Variants in MTUS2 observed in about 807,000 individuals in gnomAD.
The protein encoded by MTUS2 is microtubule associated scaffold protein 2, also known as microtubule-associated tumor suppressor candidate 2.
Under a neutral mutation model 114.1 loss-of-function variants are expected in MTUS2, and 40 were observed. The ratio of observed to expected loss-of-function variants is 0.35; its 90% CI spans 0.27 to 0.46. The LOEUF (loss-of-function observed/expected upper bound fraction) is 0.46, where lower values mean the gene tolerates loss of function less well. Ranked by LOEUF, MTUS2 falls within the 20% of genes least tolerant of loss-of-function variation. The pLI, the probability that MTUS2 is intolerant of heterozygous loss-of-function variation, is 1.00. For missense variants in MTUS2, 1,679 were observed against 1,705.4 expected, an observed-to-expected ratio of 0.98 and a Z score of 0.27; for synonymous variants, 688 against 672.0, an observed-to-expected ratio of 1.02 and a Z score of -0.37.
chr13:29,189,537 TAAAA>T (rs575429956), intron 5 of MTUS2, among the ~76,000 whole-genome samples: 25 of 143,158 alleles, frequency 1.7e-4, no homozygotes, highest in African/African-American at 6.3e-4. Context: ...AAAGGGACAG[TAAAA>T]AAAAAAAGAA....
intron 7 of MTUS2, among the ~76,000 whole-genome samples, chr13:29,340,698 A>T (rs1214581806): frequency 6.6e-6 from 1 of 152,098 alleles, no homozygotes; most frequent in African/African-American, 2.4e-5. Flanking sequence ...ATGTTTGGTT[A>T]TATGTATAAG....
chr13:29,197,538 T>C (rs1040134014), intron 5 of MTUS2, among the ~76,000 whole-genome samples: 2 of 152,196 alleles, frequency 1.3e-5, no homozygotes, highest in African/African-American at 2.4e-5. Flanking sequence ...TACGTGTGCA[T>C]GTATCTTTAT....
intron 5 of MTUS2, among the ~76,000 whole-genome samples, chr13:29,197,410 A>G (rs553050125): frequency 3.9e-5 from 6 of 152,218 alleles, no homozygotes; most frequent in South Asian, 2.1e-4. Context: ...ACATCTTTTT[A>G]TGGCTGCATA....
At chr13:29,330,778 T>G (rs1387562473) in intron 7 of MTUS2, among the ~76,000 whole-genome samples, 1 of 152,222 alleles carries the variant, frequency 6.6e-6, no homozygotes, top group Non-Finnish European at 1.5e-5. Flanking sequence ...GCCTTTATTC[T>G]CTTCCATTGG....
chr13:28,903,745 A>G (rs1206063909), intron 2 of MTUS2, among the ~76,000 whole-genome samples: 2 of 152,058 alleles, frequency 1.3e-5, no homozygotes, highest in Non-Finnish European at 2.9e-5. Flanking sequence ...TCTTTATAGC[A>G]GCATGATTTA....
intron 2 of MTUS2, among the ~76,000 whole-genome samples, chr13:28,905,978 C>G (rs1186594714): frequency 2.6e-5 from 4 of 151,520 alleles, no homozygotes; most frequent in Non-Finnish European, 5.9e-5. Context: ...CTGGTTTAGT[C>G]TTGGGAGGGT....
intron 5 of MTUS2, among the ~76,000 whole-genome samples, chr13:29,238,579 C>T (rs1450603648): frequency 6.6e-6 from 1 of 152,194 alleles, no homozygotes; most frequent in East Asian, 1.9e-4. Context: ...AAGATGAAGG[C>T]TGGAAGACTG....
At chr13:29,286,634 G>A (rs1442032022) in intron 6 of MTUS2, among the ~76,000 whole-genome samples, 2 of 138,488 alleles carry the variant, frequency 1.4e-5, no homozygotes, top group Non-Finnish European at 3.2e-5. Flanking sequence ...ATTTCTGAAA[G>A]CCATGCACTA....
At chr13:28,830,294 A>G (rs1384502037) in intron 1 of MTUS2, among the ~76,000 whole-genome samples, 2 of 152,196 alleles carry the variant, frequency 1.3e-5, no homozygotes, top group Non-Finnish European at 2.9e-5. Context: ...AGGAAAAACA[A>G]AAGTATCCCT....
chr13:29,002,766 C>T (rs1885440641), intron 2 of MTUS2, among the ~76,000 whole-genome samples: 1 of 152,170 alleles, frequency 6.6e-6, no homozygotes, highest in South Asian at 2.1e-4. Flanking sequence ...TGCACTCTTT[C>T]AGAAACTAGA....
In MTUS2 at chr13:29,024,630, G is replaced by A; in HGVS notation, c.-69G>A. On this transcript the variant is annotated 5_prime_UTR_variant, in exon 3 of 16. Transcript: ENST00000612955. ...TTGAGAATTTCCTCTTAATCTGATT[G>A]CAGCTTGAAGGCAGCCCATTTCCAT... 6.5e-7 allele frequency: 1 copy of A among 1,549,850 alleles called. No individual in the cohort carries two copies. Among genetic ancestry groups the A allele is most frequent in the Non-Finnish European group, 8.7e-7 (1 of 1,147,348 alleles).
intron 11 of MTUS2, 62 bp from the exon 12 acceptor site, chr13:29,492,571 AAGTCTGCCAAAAG>A (rs1882265496): frequency 8.2e-7 from 1 of 1,219,918 alleles, no homozygotes. Context: ...CACAGGTCTT[AAGTCTGCCAAAAG>A]AGCCTTGTTT....
chr13:29,051,093 A>G (rs964568398), intron 4 of MTUS2, among the ~76,000 whole-genome samples: 2 of 152,228 alleles, frequency 1.3e-5, no homozygotes, highest in African/African-American at 2.4e-5. Flanking sequence ...TCTGTAGAAT[A>G]GGAGAGGTAA....
chr13:29,252,910 C>A (rs926460620), intron 5 of MTUS2, among the ~76,000 whole-genome samples: 2 of 149,070 alleles, frequency 1.3e-5, no homozygotes, highest in Non-Finnish European at 3.0e-5. Flanking sequence ...CATTAAGCTT[C>A]TTTTTTTTTT....
intron 5 of MTUS2, among the ~76,000 whole-genome samples, chr13:29,238,406 A>G (rs1896615028): frequency 6.6e-6 from 1 of 152,234 alleles, no homozygotes; most frequent in South Asian, 2.1e-4. Context: ...AGCCAGTCCG[A>G]GTCCCAAAAC....
chr13:29,480,235 C>T lies in MTUS2; in HGVS notation c.3270C>T (p.Gly1090=). The T allele has an allele frequency of 6.4e-7, 1 of 1,553,808 alleles. No individual in the cohort carries two copies. ...RRFEDEVKRL[G]WQQQAELQEL... ...TCGAGGACGAGGTGAAGAGGCTGGG[C>T]TGGCAGCAGCAGGCCGAGCTCCAGG... Residue 1090 remains glycine, a synonymous_variant, in exon 10 of 16, where the codon GGC becomes GGT. Transcript: ENST00000612955. The surrounding 1 kb of genome is among the most constrained non-coding windows in gnomAD (Gnocchi z 4.4).
intron 5 of MTUS2, among the ~76,000 whole-genome samples, chr13:29,251,519 C>T (rs886694056): frequency 1.1e-4 from 16 of 152,254 alleles, no homozygotes; most frequent in East Asian, 5.8e-4. Context: ...CCATCTACCT[C>T]GACGTTCTCA....
chr13:28,942,531 T>C (rs564081804), intron 2 of MTUS2, among the ~76,000 whole-genome samples: 2 of 152,336 alleles, frequency 1.3e-5, no homozygotes, highest in South Asian at 4.1e-4. Context: ...ATGGGACCAG[T>C]ATTCCTAACA....
chr13:29,096,328 G>A (rs1197258423), intron 4 of MTUS2, among the ~76,000 whole-genome samples: 1 of 152,162 alleles, frequency 6.6e-6, no homozygotes, highest in Non-Finnish European at 1.5e-5. Flanking sequence ...ACATTCAGCT[G>A]TCAGGTTCCA....
Sources: allele counts gnomAD v4.1 joint callset (sites outside exome capture counted in the v4.1 genomes callset), GRCh38; gene constraint gnomAD v4.1.1; non-coding constraint Gnocchi (gnomAD v3.1); transcripts MANE v1.5; gene names NCBI Gene and HGNC (gene_info 2026-07-23, HGNC 2026-07-21).